NRXN3: variants seen among roughly 807,000 people sequenced by gnomAD.
The protein encoded by NRXN3 is neurexin 3, also known as neurexin III.
NRXN3 carries 32 observed loss-of-function variants against 137.6 expected under a neutral mutation model. The ratio of observed to expected loss-of-function variants is 0.23; its 90% CI spans 0.18 to 0.31. NRXN3 has a LOEUF of 0.31. Ranked by LOEUF, NRXN3 falls within the 10% of genes least tolerant of loss-of-function variation. The pLI is 1.00. For missense variants in NRXN3, 1,574 were observed against 2,062.5 expected, an observed-to-expected ratio of 0.76 and a Z score of 4.59; for synonymous variants, 798 against 784.5, an observed-to-expected ratio of 1.02 and a Z score of -0.29.
intron 16 of NRXN3, among the ~76,000 whole-genome samples, chr14:79,616,186 C>T (rs1171027942): frequency 1.3e-5 from 2 of 152,046 alleles, no homozygotes; most frequent in East Asian, 1.9e-4. Context: ...TAGAAGGAAG[C>T]CAGAACTGGA....
intron 4 of NRXN3, chr14:78,614,989 C>T (rs773618398): frequency 4.4e-6 from 2 of 456,632 alleles, no homozygotes; most frequent in South Asian, 3.1e-5. Context: ...AGAACAGAGC[C>T]TAAATGCACC....
intron 16 of NRXN3, among the ~76,000 whole-genome samples, chr14:79,628,626 G>C (rs1189508500): frequency 6.6e-6 from 1 of 152,160 alleles, no homozygotes; most frequent in African/African-American, 2.4e-5. Flanking sequence ...TACCTTGGCA[G>C]AGCCAAGCCT....
At chr14:79,253,283 T>C (rs931840773) in intron 15 of NRXN3, among the ~76,000 whole-genome samples, 1 of 152,198 alleles carries the variant, frequency 6.6e-6, no homozygotes, top group African/African-American at 2.4e-5. Flanking sequence ...GAACCACTAC[T>C]CGTAGATAGA....
chr14:78,535,491 G>A (rs2096526578), intron 4 of NRXN3, among the ~76,000 whole-genome samples: 1 of 152,196 alleles, frequency 6.6e-6, no homozygotes, highest in Non-Finnish European at 1.5e-5. Context: ...GTGGTTTTAA[G>A]AAGCTACTTA....
chr14:79,336,964 A>G (rs934191418), intron 15 of NRXN3, among the ~76,000 whole-genome samples: 3 of 152,156 alleles, frequency 2.0e-5, no homozygotes, highest in Non-Finnish European at 2.9e-5. Context: ...TTTCTTTCTT[A>G]TGACCTTGGC....
intron 15 of NRXN3, among the ~76,000 whole-genome samples, chr14:79,430,818 C>T (rs2095740731): frequency 6.6e-6 from 1 of 152,052 alleles, no homozygotes; most frequent in Admixed American, 6.6e-5. Context: ...ATTAGCTTAC[C>T]CCTCTTCTGC....
intron 14 of NRXN3, among the ~76,000 whole-genome samples, chr14:78,981,521 T>C (rs920959453): frequency 6.6e-6 from 1 of 152,228 alleles, no homozygotes; most frequent in Non-Finnish European, 1.5e-5. Context: ...TTTGATTCAA[T>C]CAACATTTTA....
chr14:79,535,815 C>A (rs1045568411), intron 16 of NRXN3, among the ~76,000 whole-genome samples: 8 of 152,158 alleles, frequency 5.3e-5, no homozygotes, highest in African/African-American at 1.9e-4. Flanking sequence ...CTCTCCAGGA[C>A]ACAACAGAGC....
chr14:79,569,102 CA>C (rs753398929), intron 16 of NRXN3, among the ~76,000 whole-genome samples: 22 of 151,292 alleles, frequency 1.5e-4, no homozygotes, highest in Non-Finnish European at 2.7e-4. Context: ...AGAATAACAA[CA>C]CACAAACACA....
intron 16 of NRXN3, among the ~76,000 whole-genome samples, chr14:79,597,013 G>A (rs910331648): frequency 6.3e-4 from 96 of 152,154 alleles, no homozygotes; most frequent in African/African-American, 2.2e-3. Flanking sequence ...CAGCTTATCA[G>A]ATGGATCCCC....
intron 15 of NRXN3, among the ~76,000 whole-genome samples, chr14:79,354,904 G>T (rs576013892): frequency 6.6e-6 from 1 of 152,292 alleles, no homozygotes; most frequent in Non-Finnish European, 1.5e-5. Flanking sequence ...TGTGAGAGAT[G>T]AATGGTGATA....
At chr14:78,869,312 T>C (rs2099095622) in intron 10 of NRXN3, among the ~76,000 whole-genome samples, 1 of 152,190 alleles carries the variant, frequency 6.6e-6, no homozygotes, top group Non-Finnish European at 1.5e-5. Context: ...TCTTACTATC[T>C]TTACTTATAA....
chr14:78,851,371 C>T (rs763957126), intron 10 of NRXN3, among the ~76,000 whole-genome samples: 9 of 152,166 alleles, frequency 5.9e-5, no homozygotes, highest in Non-Finnish European at 1.0e-4. Flanking sequence ...ATATATTTGG[C>T]TCTTGCAAGC....
rs373215292 is a variant in NRXN3, at chr14:78,255,699, T to C, written c.709+11897T>C. ...ACTCTGTTTCCCTTAGTTAATGCAC[T>C]TACAGGCTTGTTTGCTAAATGTCAC... On this transcript the variant is annotated intron_variant, in intron 2 of 20. Coordinates refer to ENST00000335750, the MANE Select transcript of NRXN3 (RefSeq NM_001330195.2). Among the ~76,000 whole-genome samples, 9 of 152,354 alleles carry C rather than the reference T, an allele frequency of 5.9e-5. No individual in the cohort carries two copies. The East Asian group carries it at 1.2e-3, about 20-fold the overall frequency.
chr14:78,568,937 G>C (rs2096861773), intron 4 of NRXN3, among the ~76,000 whole-genome samples: 1 of 148,906 alleles, frequency 6.7e-6, no homozygotes, highest in Admixed American at 6.7e-5. Context: ...CAGCAGGTCT[G>C]TGGTGGGAAA....
At chr14:78,885,924 G>A (rs1168205269) in intron 10 of NRXN3, among the ~76,000 whole-genome samples, 1 of 152,136 alleles carries the variant, frequency 6.6e-6, no homozygotes, top group African/African-American at 2.4e-5. Context: ...AGGGATGTGA[G>A]GGTTTGCTCT....
chr14:79,331,196 G>C (rs1285631200), intron 15 of NRXN3, among the ~76,000 whole-genome samples: 1 of 152,160 alleles, frequency 6.6e-6, no homozygotes, highest in Non-Finnish European at 1.5e-5. Context: ...TGTCTATGTG[G>C]AGAAATGTAA....
chr14:78,549,650 A>G (rs1003232746), intron 4 of NRXN3, among the ~76,000 whole-genome samples: 4 of 152,188 alleles, frequency 2.6e-5, no homozygotes, highest in African/African-American at 9.7e-5. Context: ...TGAACTGAGC[A>G]ATGTTTTGTT....
intron 4 of NRXN3, among the ~76,000 whole-genome samples, chr14:78,420,121 C>T (rs940866962): frequency 6.6e-6 from 1 of 152,014 alleles, no homozygotes; most frequent in East Asian, 1.9e-4. Flanking sequence ...GGTTATTTGT[C>T]CCAAGTTGAC....
Sources: gnomAD v4.1 joint callset for allele counts (sites outside exome capture counted in the v4.1 genomes callset) on GRCh38, gnomAD v4.1.1 for gene constraint, MANE v1.5 for transcripts, NCBI Gene and HGNC (gene_info 2026-07-23, HGNC 2026-07-21) for gene names.